CACNA1H: variants seen among roughly 807,000 people sequenced by gnomAD.
CACNA1H encodes voltage-dependent T-type calcium channel subunit alpha-1H.
Under a neutral mutation model 192.5 loss-of-function variants are expected in CACNA1H, and 149 were observed. The ratio of observed to expected loss-of-function variants is 0.77; its 90% CI spans 0.68 to 0.89. CACNA1H has a LOEUF of 0.89. Among genes scored for constraint, CACNA1H ranks in the 40% least tolerant of loss-of-function variants. The probability of loss-of-function intolerance (pLI) is 0.00; values close to 1 mark genes in which losing one functional copy is unlikely to be tolerated. For synonymous variants in CACNA1H, 2,202 were observed against 1,475.2 expected, an observed-to-expected ratio of 1.49 and a Z score of -11.29; for missense variants, 4,257 against 3,423.5, an observed-to-expected ratio of 1.24 and a Z score of -6.08.
rs184519298 is a variant in CACNA1H at position 1,213,610 on chromosome 16, C to T, written c.4778-170C>T. 3.6e-3 allele frequency among the ~76,000 whole-genome samples: 544 copies of T among 152,104 alleles called. 9 individuals are homozygous for T. Among genetic ancestry groups the T allele is most frequent in the East Asian group, 6.9e-3 (35 of 5,108 alleles). On this transcript the variant is annotated intron_variant, in intron 26 of 34. Transcript: ENST00000348261. The stretch of plus-strand genomic sequence containing the variant: ...TTTTCCTGAGAGAGTCCCCCTTCTC[C>T]AGTCTTATGTGAGCCCTGCCATGAG...
At chr16:1,207,217 G>A (rs1022001289) in intron 13 of CACNA1H, 58 bp from the exon 14 acceptor site, 6 of 1,559,008 alleles carry the variant, frequency 3.8e-6, no homozygotes, top group Non-Finnish European at 5.2e-6. Flanking sequence ...TCTGCCCCAA[G>A]GACTTGCCGG....
At chr16:1,216,243 C>G (rs111266083) in intron 30 of CACNA1H, among the ~76,000 whole-genome samples, 1 of 152,222 alleles carries the variant, frequency 6.6e-6, no homozygotes, top group East Asian at 1.9e-4. Context: ...TCTTCTGCCT[C>G]CCACCTCAGC....
intron 2 of CACNA1H, among the ~76,000 whole-genome samples, chr16:1,185,236 G>A (rs558678711): frequency 2.6e-5 from 4 of 152,196 alleles, no homozygotes; most frequent in East Asian, 3.8e-4. Context: ...ACCACGTTCC[G>A]TTTGTTCACG....
Position 1,210,986 on chromosome 16 carries a change from G to T in CACNA1H, c.4223+15G>T. On this transcript the variant is annotated intron_variant, in intron 21 of 34. Transcript: ENST00000348261. ...CGGCCTCTGAGGTGGGGGGCTCCCC[G>T]TGGGCTCCCGGGGCAACCTGGAAGC... The T allele has an allele frequency of 6.3e-7, 1 of 1,589,578 alleles. No homozygotes were observed.
At chr16:1,198,513 C>G in intron 5 of CACNA1H, 102 bp from the exon 6 acceptor site, 1 of 1,320,022 alleles carries the variant, frequency 7.6e-7, no homozygotes, top group South Asian at 1.2e-5. Flanking sequence ...TGGACACCCA[C>G]TGTGAACAGT....
At chr16:1,197,446 G>A (rs1472216960) in intron 5 of CACNA1H, among the ~76,000 whole-genome samples, 1 of 152,204 alleles carries the variant, frequency 6.6e-6, no homozygotes, top group East Asian at 1.9e-4. Context: ...TGCCAGAGTG[G>A]CCCTAATTGT....
Position 1,164,295 on chromosome 16 carries a change from G to A in CACNA1H, c.299+10259G>A, listed in dbSNP as rs573990098. Among the ~76,000 whole-genome samples the A allele has an allele frequency of 4.6e-3, 702 of 152,290 alleles. 8 individuals are homozygous for A. Among genetic ancestry groups the A allele is most frequent in the African/African-American group, 0.016 (670 of 41,566 alleles). ...GCAGTCCAAGGCCCCAGGAATACCCGAAGCCTCAGATCTGATGAACCCTGT... is the reference window on the plus strand; with the variant it reads ...GCAGTCCAAGGCCCCAGGAATACCCAAAGCCTCAGATCTGATGAACCCTGT... On this transcript the variant is annotated intron_variant, in intron 2 of 34. Transcript: ENST00000348261.
At chr16:1,193,855 G>A (rs762602751) in intron 2 of CACNA1H, among the ~76,000 whole-genome samples, 34 of 152,108 alleles carry the variant, frequency 2.2e-4, no homozygotes, top group Admixed American at 3.9e-4. Flanking sequence ...TGACAGGTGG[G>A]GGCAGGGAAG....
chr16:1,175,332 A>G (rs1964773943), intron 2 of CACNA1H, among the ~76,000 whole-genome samples: 1 of 151,908 alleles, frequency 6.6e-6, no homozygotes, highest in Admixed American at 6.5e-5. Flanking sequence ...CGGGAGGGCC[A>G]CTCACCTTCC....
At position 1,218,419 on chromosome 16, in the gene CACNA1H, G is replaced by T. The variant is rs58632975; in HGVS notation, c.5655G>T (p.Ala1885=). Residue 1885 remains alanine, a synonymous_variant, in exon 33 of 35, where the codon GCG becomes GCT. Transcript: ENST00000348261. The stretch of plus-strand genomic sequence containing the variant: ...ACGCCGAGATCGAGCTGGAGATGGC[G>T]CAGGGCCCCGGGAGTGCACGCCGGG... ...ELDAEIELEM[A]QGPGSARRVD... The T allele has an allele frequency of 2.7e-5, 42 of 1,554,078 alleles. No individual in the cohort carries two copies. Among genetic ancestry groups the T allele is most frequent in the Admixed American group, 5.8e-5 (3 of 51,292 alleles).
In CACNA1H at chr16:1,198,854, C is replaced by T. The variant is rs533832188; in HGVS notation, c.803+80C>T. 5.7e-5 allele frequency: 79 copies of T among 1,380,604 alleles called. 1 individual carries two copies. The Admixed American group carries it at 9.6e-4, about 17-fold the overall frequency. 85.5% of individuals were successfully genotyped at this position (1,380,604 alleles called of 1,614,324 possible). A position where few individuals can be genotyped will look rare whatever the true frequency, so the allele number is the denominator to read the frequency against. ...CAGATAACGCACCATGTGGCTCCAC[C>T]GCCCCACGTGGCTCTGCCCACCGTG... On this transcript the variant is annotated intron_variant, in intron 6 of 34. Coordinates refer to ENST00000348261, the MANE Select transcript of CACNA1H (RefSeq NM_021098.3).
chr16:1,218,017 G>T lies in CACNA1H; in HGVS notation c.5422G>T (p.Asp1808Tyr). Residue 1808 changes from aspartate to tyrosine, a missense_variant, in exon 32 of 35, where the codon GAC becomes TAC. Transcript: ENST00000348261. ...FLTLFRVSTG[D>Y]NWNGIMKDTL... is the part of the protein sequence containing the mutation. ...CACGCTGTTCCGCGTGTCCACGGGG[G>T]ACAACTGGAACGGGATCATGAAGGT... 6.2e-7 allele frequency: 1 copy of T among 1,601,332 alleles called. No individual in the cohort carries two copies. Among genetic ancestry groups the T allele is most frequent in the Non-Finnish European group, 8.5e-7 (1 of 1,174,354 alleles).
chr16:1,180,872 G>C lies in CACNA1H; in HGVS notation c.300-14100G>C, dbSNP rs927814629. On this transcript the variant is annotated intron_variant, in intron 2 of 34. Transcript: ENST00000348261. The surrounding 1 kb of genome is among the most constrained non-coding windows in gnomAD (Gnocchi z 4.4). Reference sequence around the variant, plus strand: ...GCCAGCACCCGACCTGGCCGCCAGCGTGCTGAGGACAGACCTGCTGGGCCG... The same window carrying C: ...GCCAGCACCCGACCTGGCCGCCAGCCTGCTGAGGACAGACCTGCTGGGCCG... Among the ~76,000 whole-genome samples the C allele has an allele frequency of 1.3e-5, 2 of 152,206 alleles. No homozygotes were observed. Among genetic ancestry groups the C allele is most frequent in the Admixed American group, 1.3e-4 (2 of 15,282 alleles).
intron 2 of CACNA1H, chr16:1,157,944 T>TCCCGGAGACCCTGGGCTG (rs1177277266): frequency 6.6e-6 from 1 of 152,208 alleles, no homozygotes. Context: ...GGCGCGTGTC[T>TCCCGGAGACCCTGGGCTG]CCCGGAGACC....
chr16:1,217,027 C>A lies in CACNA1H; in HGVS notation c.5323+17C>A. On this transcript the variant is annotated intron_variant, in intron 31 of 34. Transcript: ENST00000348261. ...GGAGGCTGGGTGAGTGGCTCCTGCG[C>A]CCTCCTCCTGGCACACATGGGGTCC... 1.3e-6 allele frequency: 2 copies of A among 1,572,774 alleles called. No homozygotes were observed. The highest frequency in any genetic ancestry group is 1.2e-5 in the South Asian group (1 of 86,068).
intron 26 of CACNA1H, among the ~76,000 whole-genome samples, chr16:1,212,856 C>G (rs1418480098): frequency 6.6e-6 from 1 of 152,218 alleles, no homozygotes; most frequent in Non-Finnish European, 1.5e-5. Context: ...CGCGGGCCCT[C>G]TCCGGCTGCC....
At chr16:1,183,072 C>T (rs1357791862) in intron 2 of CACNA1H, among the ~76,000 whole-genome samples, 13 of 148,916 alleles carry the variant, frequency 8.7e-5, no homozygotes, top group African/African-American at 3.0e-4. Context: ...CTCTGTGACC[C>T]GACACCCCCA....
chr16:1,177,399 C>T (rs989059086), intron 2 of CACNA1H, among the ~76,000 whole-genome samples: 6 of 152,318 alleles, frequency 3.9e-5, no homozygotes, highest in African/African-American at 7.2e-5. Context: ...GGTGCGGGGA[C>T]GGCGTCTGAC....
chr16:1,200,894 G>A (rs1014217692), intron 8 of CACNA1H, 86 bp downstream of exon 8: 38 of 984,630 alleles, frequency 3.9e-5, no homozygotes, highest in Non-Finnish European at 5.0e-5. Flanking sequence ...GGTCATAGGG[G>A]CTCCTGTCTG....
Sources: gnomAD v4.1 joint callset for allele counts (sites outside exome capture counted in the v4.1 genomes callset) on GRCh38, gnomAD v4.1.1 for gene constraint, Gnocchi (gnomAD v3.1) non-coding constraint, MANE v1.5 for transcripts, NCBI Gene and HGNC (gene_info 2026-07-23, HGNC 2026-07-21) for gene names.